Variants in SMG6 observed in about 807,000 individuals in gnomAD.
SMG6 encodes SMG6 nonsense mediated mRNA decay factor.
A neutral mutation model predicts 142.2 loss-of-function variants in SMG6; 66 were observed. The observed-to-expected ratio is 0.46, with a 90% confidence interval of 0.38 to 0.57. SMG6 has a LOEUF of 0.57. Among genes scored for constraint, SMG6 ranks in the 20% least tolerant of loss-of-function variants. SMG6 has a pLI of 0.00. For missense variants in SMG6, 1,793 were observed against 1,832.0 expected, an observed-to-expected ratio of 0.98 and a Z score of 0.39; for synonymous variants, 779 against 702.4, an observed-to-expected ratio of 1.11 and a Z score of -1.72.
intron 13 of SMG6, among the ~76,000 whole-genome samples, chr17:2,150,560 C>G (rs188350540): frequency 1.3e-5 from 2 of 151,644 alleles, no homozygotes; most frequent in Non-Finnish European, 1.5e-5. Flanking sequence ...AGCTATGCCC[C>G]ATGTCATCAG....
At chr17:2,069,431 CAA>C (rs79412495) in intron 15 of SMG6, among the ~76,000 whole-genome samples, 6 of 112,726 alleles carry the variant, frequency 5.3e-5, no homozygotes, top group Non-Finnish European at 5.8e-5. Flanking sequence ...CCCGTCTCTA[CAA>C]AAAAAAAAAA....
At chr17:2,098,900 G>C (rs2068931420) in intron 13 of SMG6, among the ~76,000 whole-genome samples, 1 of 152,150 alleles carries the variant, frequency 6.6e-6, no homozygotes, top group Admixed American at 6.5e-5. Context: ...CAAAGGGCTG[G>C]AATTACAGGC....
intron 13 of SMG6, among the ~76,000 whole-genome samples, chr17:2,130,916 T>C (rs1002920400): frequency 3.3e-5 from 5 of 151,860 alleles, no homozygotes; most frequent in South Asian, 2.1e-4. Context: ...AGGCAGAGAA[T>C]TGCTTGAACC....
intron 10 of SMG6, among the ~76,000 whole-genome samples, chr17:2,226,531 A>T (rs2151781633): frequency 6.6e-6 from 1 of 152,066 alleles, no homozygotes; most frequent in South Asian, 2.1e-4. Context: ...GTGAGCCAAG[A>T]TCACGCCATT....
chr17:2,251,204 T>G (rs1463237621), intron 8 of SMG6, among the ~76,000 whole-genome samples: 2 of 151,532 alleles, frequency 1.3e-5, no homozygotes, highest in African/African-American at 4.9e-5. Flanking sequence ...CAATAATCAT[T>G]CAGTAAAGAC....
At chr17:2,185,778 G>C (rs116490157) in intron 12 of SMG6, among the ~76,000 whole-genome samples, 7 of 151,504 alleles carry the variant, frequency 4.6e-5, no homozygotes, top group African/African-American at 1.7e-4. Context: ...GCAGGGACGT[G>C]GTGAGAAGAC....
intron 8 of SMG6, among the ~76,000 whole-genome samples, chr17:2,265,489 A>G (rs1007123954): frequency 2.0e-5 from 3 of 150,844 alleles, no homozygotes; most frequent in Non-Finnish European, 3.0e-5. Context: ...CAGCCTGGAC[A>G]ACAGAGCAAG....
At chr17:2,288,065 G>A (rs962667530) in intron 6 of SMG6, among the ~76,000 whole-genome samples, 2 of 152,166 alleles carry the variant, frequency 1.3e-5, no homozygotes, top group Non-Finnish European at 2.9e-5. Flanking sequence ...TGTAATCCCA[G>A]CACTTTCGGA....
chr17:2,268,567 G>A (rs2074474288), intron 8 of SMG6, among the ~76,000 whole-genome samples: 1 of 151,778 alleles, frequency 6.6e-6, no homozygotes, highest in Non-Finnish European at 1.5e-5. Context: ...GAGGTCAGGA[G>A]TTTGAAACCA....
chr17:2,206,313 A>G (rs938752927), intron 10 of SMG6, among the ~76,000 whole-genome samples: 2 of 151,332 alleles, frequency 1.3e-5, no homozygotes, highest in African/African-American at 4.9e-5. Flanking sequence ...GGCCAGATGC[A>G]GTGGCTCATG....
At chr17:2,290,883 C>G (rs965813526) in intron 6 of SMG6, among the ~76,000 whole-genome samples, 1 of 152,176 alleles carries the variant, frequency 6.6e-6, no homozygotes, top group Non-Finnish European at 1.5e-5. Context: ...CATTAGAGAA[C>G]TGCAAAAAGT....
chr17:2,201,804 A>C (rs2072532737), intron 10 of SMG6, among the ~76,000 whole-genome samples: 1 of 151,126 alleles, frequency 6.6e-6, no homozygotes, highest in Non-Finnish European at 1.5e-5. Flanking sequence ...TGGGTGGATC[A>C]CTTGAGGCCA....
At chr17:2,279,728 G>C (rs1198958005) in intron 8 of SMG6, among the ~76,000 whole-genome samples, 1 of 152,116 alleles carries the variant, frequency 6.6e-6, no homozygotes, top group East Asian at 1.9e-4. Context: ...ACAGAGGAAA[G>C]GAACATGTCA....
intron 13 of SMG6, among the ~76,000 whole-genome samples, chr17:2,091,653 C>T (rs1403260801): frequency 6.7e-6 from 1 of 149,676 alleles, no homozygotes; most frequent in South Asian, 2.1e-4. Flanking sequence ...TAAGTACAGG[C>T]TACTTTCTCA....
intron 8 of SMG6, among the ~76,000 whole-genome samples, chr17:2,270,566 C>T (rs2074523140): frequency 6.6e-6 from 1 of 152,170 alleles, no homozygotes; most frequent in African/African-American, 2.4e-5. Flanking sequence ...GATGATCATG[C>T]TGCTGCACTC....
At chr17:2,102,990 G>A (rs753657962) in intron 13 of SMG6, among the ~76,000 whole-genome samples, 25 of 152,152 alleles carry the variant, frequency 1.6e-4, no homozygotes, top group Non-Finnish European at 2.6e-4. Context: ...AGGCCAAATA[G>A]TACTCCATTG....
At chr17:2,251,079 C>G (rs2074036258) in intron 8 of SMG6, among the ~76,000 whole-genome samples, 1 of 151,466 alleles carries the variant, frequency 6.6e-6, no homozygotes, top group African/African-American at 2.4e-5. Context: ...CCAGGAGGCA[C>G]TGTGTTTCCC....
At chr17:2,191,370 T>A (rs2072157329) in intron 10 of SMG6, among the ~76,000 whole-genome samples, 1 of 152,128 alleles carries the variant, frequency 6.6e-6, no homozygotes, top group Admixed American at 6.5e-5. Flanking sequence ...TCTAGGAAAC[T>A]GGCCCTAGTC....
chr17:2,061,592 A>G lies in SMG6; in HGVS notation c.4160T>C (p.Val1387Ala). ...EEPIRLLREV[V>A]LLTDDRNLRV... ...CAGGTTCCGGTCATCCGTCAACAGC[A>G]CCACCTCCCGCAGTAGCCGGATTGG... is the stretch of plus-strand genomic sequence containing the variant. Residue 1387 changes from valine (V) to alanine (A), a missense_variant, in exon 19 of 19, where the codon GTG becomes GCG. This residue lies in a region of SMG6 where 179 missense variants were observed against 212.6 expected (regional missense o/e 0.84). Transcript: ENST00000263073. The G allele has an allele frequency of 6.4e-7, 1 of 1,572,566 alleles. No homozygotes were observed. The highest frequency in any genetic ancestry group is 8.6e-7 in the Non-Finnish European group (1 of 1,158,720).
Sources: gnomAD v4.1 joint callset for allele counts (sites outside exome capture counted in the v4.1 genomes callset) on GRCh38, gnomAD v4.1.1 for gene constraint, gnomAD v4.1.1 regional missense constraint, MANE v1.5 for transcripts, NCBI Gene and HGNC (gene_info 2026-07-23, HGNC 2026-07-21) for gene names.